The following EPB41L4B variants were observed in gnomAD, a reference collection of about 807,000 sequenced individuals.
The protein encoded by EPB41L4B is band 4.1-like protein 4B.
Under a neutral mutation model 112.5 loss-of-function variants are expected in EPB41L4B, and 30 were observed. The observed-to-expected ratio is 0.27, with a 90% CI of 0.20 to 0.36. The LOEUF is 0.36. Among genes scored for constraint, EPB41L4B ranks in the 10% least tolerant of loss-of-function variants. The pLI, the probability that EPB41L4B is intolerant of heterozygous loss-of-function variation, is 1.00. For missense variants in EPB41L4B, 1,024 were observed against 1,133.3 expected (o/e 0.90, Z 1.38); for synonymous variants, 408 against 439.7 (o/e 0.93, Z 0.90).
intron 20 of EPB41L4B, among the ~76,000 whole-genome samples, chr9:109,195,156 G>A (rs934550118): frequency 9.2e-5 from 14 of 152,096 alleles, no homozygotes; most frequent in African/African-American, 3.1e-4. Flanking sequence ...GGGACTCCAG[G>A]CACATTGTCC....
chr9:109,309,392 A>G (rs1209972101), intron 1 of EPB41L4B, among the ~76,000 whole-genome samples: 1 of 152,188 alleles, frequency 6.6e-6, no homozygotes, highest in Non-Finnish European at 1.5e-5. Flanking sequence ...CTTAGTGAGG[A>G]AAGACCTGCC....
At chr9:109,311,124 T>C (rs1837399205) in intron 1 of EPB41L4B, among the ~76,000 whole-genome samples, 4 of 152,136 alleles carry the variant, frequency 2.6e-5, no homozygotes, top group Admixed American at 2.6e-4. Context: ...GTGGTGAAGG[T>C]TGCAAAACAG....
At chr9:109,182,905 C>A in intron 23 of EPB41L4B, 108 bp from the exon 24 acceptor site, 1 of 765,960 alleles carries the variant, frequency 1.3e-6, no homozygotes, top group Non-Finnish European at 2.3e-6. Flanking sequence ...AGGGGTGCCC[C>A]CGCAGAGCCT....
At chr9:109,231,157 C>CAA (rs57118508) in intron 15 of EPB41L4B, among the ~76,000 whole-genome samples, 4,711 of 82,850 alleles carry the variant, frequency 0.057, 292 homozygotes, top group African/African-American at 0.17. Flanking sequence ...AACTCCATCT[C>CAA]AAAAAAAAAA....
At chr9:109,266,789 G>A (rs955995883) in intron 4 of EPB41L4B, among the ~76,000 whole-genome samples, 2 of 151,956 alleles carry the variant, frequency 1.3e-5, no homozygotes, top group African/African-American at 2.4e-5. Context: ...CTAACACAGC[G>A]AAACCCTGTC....
Position 109,185,588 on chromosome 9 carries a change from G to T in EPB41L4B, c.2319C>A (p.Asn773Lys), listed in dbSNP as rs1390867352. The T allele has an allele frequency of 1.9e-6, 3 of 1,610,780 alleles. No individual in the cohort carries two copies. Among genetic ancestry groups the T allele is most frequent in the Admixed American group, 1.7e-5 (1 of 59,718 alleles). Residue 773 changes from asparagine to lysine, a missense_variant, in exon 23 of 26, where the codon AAC becomes AAA. Transcript: ENST00000374566. ...EATPLAEPAS[N>K]PHCAHSRCSP... ...AACAGCGAGAGTGGGCACAGTGGGG[G>T]TTGCTGGCGGGCTCTGCCTGCTCAC...
intron 15 of EPB41L4B, among the ~76,000 whole-genome samples, chr9:109,226,500 T>C (rs1470519952): frequency 6.6e-6 from 1 of 151,680 alleles, no homozygotes. Flanking sequence ...AGCCCTTGTA[T>C]AACCAATTCC....
chr9:109,260,797 C>T (rs889788799), intron 6 of EPB41L4B, among the ~76,000 whole-genome samples: 1 of 152,174 alleles, frequency 6.6e-6, no homozygotes, highest in Admixed American at 6.5e-5. Context: ...AGAGAACTGA[C>T]CTTATTTGTG....
intron 15 of EPB41L4B, chr9:109,241,110 G>A (rs1834338741): frequency 1.0e-6 from 1 of 985,634 alleles, no homozygotes; most frequent in Non-Finnish European, 1.2e-6. Flanking sequence ...TAGTTTGAAT[G>A]TATGTCCTCA....
intron 18 of EPB41L4B, among the ~76,000 whole-genome samples, chr9:109,204,595 A>G (rs1034463801): frequency 6.6e-6 from 1 of 152,224 alleles, no homozygotes; most frequent in Admixed American, 6.5e-5. Flanking sequence ...GGGCTCAATC[A>G]ATCCTCCTGC....
At chr9:109,248,396 C>A (rs948728528) in intron 13 of EPB41L4B, among the ~76,000 whole-genome samples, 9 of 152,212 alleles carry the variant, frequency 5.9e-5, no homozygotes, top group Non-Finnish European at 7.3e-5. Context: ...ATGAGGTCAA[C>A]AAATGTGACC....
chr9:109,288,680 G>A (rs1193092273), intron 1 of EPB41L4B, among the ~76,000 whole-genome samples: 2 of 126,016 alleles, frequency 1.6e-5, no homozygotes, highest in African/African-American at 6.2e-5. Flanking sequence ...CCGAGATCGT[G>A]CCACTGCACT....
rs1374496300 is a variant in EPB41L4B, at chr9:109,281,822, GA to G, written c.307-1902del. Among the ~76,000 whole-genome samples, 4 of 152,084 alleles carry G rather than the reference GA, an allele frequency of 2.6e-5. No homozygotes were observed. In the East Asian group the frequency reaches 7.7e-4, roughly 29 times the overall value. ...AATGTAAAACTGTGCAGCTGCTCTG[GA>G]AAATAGCCTGGCAGTTCCACAAATG... On this transcript the variant is annotated intron_variant, in intron 1 of 25. Transcript: ENST00000374566.
chr9:109,194,938 G>A (rs946834054), intron 20 of EPB41L4B, among the ~76,000 whole-genome samples: 1 of 152,028 alleles, frequency 6.6e-6, no homozygotes, highest in Non-Finnish European at 1.5e-5. Flanking sequence ...ATATTTTTAA[G>A]GTCCATCCAC....
intron 19 of EPB41L4B, among the ~76,000 whole-genome samples, chr9:109,200,988 T>G (rs1832804400): frequency 6.6e-6 from 1 of 152,166 alleles, no homozygotes; most frequent in African/African-American, 2.4e-5. Flanking sequence ...TTAATGCATT[T>G]TTGTAGTGGT....
chr9:109,226,670 T>TATATATATGAAGA (rs1564278996), intron 15 of EPB41L4B, among the ~76,000 whole-genome samples: 23 of 34,058 alleles, frequency 6.8e-4, no homozygotes, highest in Middle Eastern at 0.018. Flanking sequence ...ATATGAAGAA[T>TATATATATGAAGA]ATATATATAT....
chr9:109,241,511 C>T (rs954458090), intron 15 of EPB41L4B: 1 of 1,454,626 alleles, frequency 6.9e-7, no homozygotes, highest in Non-Finnish European at 9.0e-7. Context: ...GTGGTTTTAT[C>T]TTCAAATATT....
chr9:109,236,464 G>A (rs186859832), intron 15 of EPB41L4B, among the ~76,000 whole-genome samples: 1 of 151,726 alleles, frequency 6.6e-6, no homozygotes, highest in East Asian at 1.9e-4. Context: ...TAAAATTGAG[G>A]CATTAAAATA....
chr9:109,213,244 A>T (rs1311952050), intron 17 of EPB41L4B, among the ~76,000 whole-genome samples: 1 of 152,238 alleles, frequency 6.6e-6, no homozygotes, highest in East Asian at 1.9e-4. Flanking sequence ...TTTGGATGTA[A>T]GAATAGGTCT....
Sources: gnomAD v4.1 joint callset for allele counts (sites outside exome capture counted in the v4.1 genomes callset) on GRCh38, gnomAD v4.1.1 for gene constraint, MANE v1.5 for transcripts, NCBI Gene and HGNC (gene_info 2026-07-23, HGNC 2026-07-21) for gene names.